VPS13A: variants seen among roughly 807,000 people sequenced by gnomAD.
VPS13A encodes the protein intermembrane lipid transfer protein VPS13A.
A neutral mutation model predicts 390.9 loss-of-function variants in VPS13A; 264 were observed. The ratio of observed to expected loss-of-function variants is 0.68; its 90% CI spans 0.61 to 0.75. VPS13A has a LOEUF of 0.75. Ranked by LOEUF, VPS13A falls within the 30% of genes least tolerant of loss-of-function variation. The pLI, the probability that VPS13A is intolerant of heterozygous loss-of-function variation, is 0.00. For synonymous variants in VPS13A, 1,231 were observed against 1,227.1 expected (o/e 1.00, Z -0.07); for missense variants, 3,409 against 3,733.9 (o/e 0.91, Z 2.27).
rs1587683560 is a variant in VPS13A at position 77,373,721 on chromosome 9, T to A, written c.9077+2572T>A. On this transcript the variant is annotated intron_variant, in intron 67 of 71. Transcript: ENST00000360280. ...GGCAACCTACAAAATGGGAGAAAAT[T>A]TTCGCAACCTACTCATCTGACAAAG... Among the ~76,000 whole-genome samples, 3 of 151,042 alleles carry A rather than the reference T, an allele frequency of 2.0e-5. No individual in the cohort carries two copies. In the East Asian group the frequency reaches 5.8e-4, roughly 29 times the overall value.
intron 6 of VPS13A, among the ~76,000 whole-genome samples, chr9:77,209,845 G>C (rs1825870746): frequency 6.6e-6 from 1 of 152,080 alleles, no homozygotes; most frequent in Admixed American, 6.5e-5. Context: ...ATGGAGTACT[G>C]GTCTAGCAAT....
rs138591409 is a variant in VPS13A at position 77,343,378 on chromosome 9, C to T, written c.7027-775C>T. On this transcript the variant is annotated intron_variant, in intron 50 of 71. Transcript: ENST00000360280. ...ACTTAGCTCTAACAACCAGGTTCTG[C>T]TACATTGTCCTCAAGTCATGTGATG... 1.4e-3 allele frequency among the ~76,000 whole-genome samples: 219 copies of T among 152,296 alleles called. 1 individual carries two copies. The highest frequency in any genetic ancestry group is 5.1e-3 in the African/African-American group (213 of 41,572).
chr9:77,242,960 G>GA (rs996879385), intron 19 of VPS13A, among the ~76,000 whole-genome samples: 6 of 151,412 alleles, frequency 4.0e-5, no homozygotes, highest in East Asian at 3.9e-4. Flanking sequence ...CTAATTCTAT[G>GA]AAAAAAAATG....
At chr9:77,407,833 T>G (rs923075963) in intron 71 of VPS13A, among the ~76,000 whole-genome samples, 1 of 152,194 alleles carries the variant, frequency 6.6e-6, no homozygotes, top group African/African-American at 2.4e-5. Flanking sequence ...CAAACCAGAT[T>G]GCTCCATCTT....
In VPS13A at chr9:77,213,147, C is replaced by T. The variant is rs1826065580; in HGVS notation, c.616-87C>T. On this transcript the variant is annotated intron_variant, in intron 8 of 71. Transcript: ENST00000360280. The stretch of plus-strand genomic sequence containing the variant: ...TTATTTGTTTAACTCTGTGATATGG[C>T]TCACTTAATTATTTGAGACTTCTGA... 25 of 1,523,606 alleles carry T rather than the reference C, an allele frequency of 1.6e-5. 1 individual carries two copies. Among genetic ancestry groups the T allele is most frequent in the Middle Eastern group, 3.4e-4 (2 of 5,816 alleles). The allele number at this position is 1,523,606 out of a possible 1,614,324, so 94.4% of individuals were successfully genotyped here. A position where few individuals can be genotyped will look rare whatever the true frequency, so the allele number is the denominator to read the frequency against.
intron 17 of VPS13A, among the ~76,000 whole-genome samples, chr9:77,232,844 A>G (rs529392811): frequency 2.0e-5 from 3 of 152,290 alleles, no homozygotes; most frequent in African/African-American, 4.8e-5. Flanking sequence ...GGGAGCTACA[A>G]TTCAAGATGA....
chr9:77,413,801 C>A (rs906872438), intron 71 of VPS13A, among the ~76,000 whole-genome samples: 2 of 152,154 alleles, frequency 1.3e-5, no homozygotes, highest in African/African-American at 2.4e-5. Flanking sequence ...TCAGATTGAA[C>A]AGGCAACCTA....
chr9:77,192,140 GT>G, intron 1 of VPS13A, among the ~76,000 whole-genome samples: 1 of 152,108 alleles, frequency 6.6e-6, no homozygotes. Context: ...TTTCAAGTCT[GT>G]TTTGTCTGAA....
intron 59 of VPS13A, among the ~76,000 whole-genome samples, chr9:77,364,082 G>A (rs902030475): frequency 3.3e-5 from 5 of 152,186 alleles, no homozygotes; most frequent in South Asian, 2.1e-4. Context: ...ATTCTCAGTG[G>A]TACTGTACCC....
At chr9:77,291,394 A>G (rs1389379450) in intron 31 of VPS13A, among the ~76,000 whole-genome samples, 1 of 152,176 alleles carries the variant, frequency 6.6e-6, no homozygotes. Context: ...TGCATAGCAT[A>G]ATAGAGACTG....
chr9:77,203,423 G>T (rs1306077653), intron 3 of VPS13A, among the ~76,000 whole-genome samples: 1 of 152,094 alleles, frequency 6.6e-6, no homozygotes, highest in Non-Finnish European at 1.5e-5. Flanking sequence ...GAGTAGCTGG[G>T]ACTACAGGTG....
At position 77,417,063 on chromosome 9, in the gene VPS13A, A is replaced by C. The variant is rs1835192037; in HGVS notation, c.*1057A>C. 6.6e-6 allele frequency: 1 copy of C among 152,224 alleles called. No individual in the cohort carries two copies. Among genetic ancestry groups the C allele is most frequent in the South Asian group, 2.1e-4 (1 of 4,836 alleles). 9.4% of individuals were successfully genotyped at this position (152,224 alleles called of 1,614,324 possible). A position where few individuals can be genotyped will look rare whatever the true frequency, so the allele number is the denominator to read the frequency against. On this transcript the variant is annotated 3_prime_UTR_variant, in exon 72 of 72. Coordinates refer to ENST00000360280, the MANE Select transcript of VPS13A (RefSeq NM_033305.3). ...AAATCATCAGCTATACATTAGTAAA[A>C]ATAAGGACATGAGGTTTTCTTTCTT...
At position 77,276,071 on chromosome 9, in the gene VPS13A, A is replaced by T. The variant is rs1458210788; in HGVS notation, c.2674A>T (p.Ile892Phe). The T allele has an allele frequency of 1.2e-6, 2 of 1,611,840 alleles. No homozygotes were observed. Among genetic ancestry groups the T allele is most frequent in the East Asian group, 4.5e-5 (2 of 44,742 alleles). Residue 892 changes from isoleucine to phenylalanine, a missense_variant, in exon 26 of 72, where the codon ATC becomes TTC. By Grantham distance (21) the Ile-to-Phe change is conservative. Around this residue, in one of 5 missense-constraint regions of VPS13A, gnomAD observed 2,717 missense variants for 2,917.4 expected, o/e 0.93. Coordinates refer to ENST00000360280, the MANE Select transcript of VPS13A (RefSeq NM_033305.3). ...KIRFEVPKVL[I>F]EFYHLVGDCE... ...TTTTTTCTTTCTTCTCCAGGTTTTGATCGAGTTTTATCACCTTGTTGGAGA... is the reference window on the plus strand; with the variant it reads ...TTTTTTCTTTCTTCTCCAGGTTTTGTTCGAGTTTTATCACCTTGTTGGAGA...
At chr9:77,389,332 G>C (rs1260733969) in intron 68 of VPS13A, among the ~76,000 whole-genome samples, 1 of 142,596 alleles carries the variant, frequency 7.0e-6, no homozygotes, top group Non-Finnish European at 1.5e-5. Flanking sequence ...TTTTGAGACA[G>C]AGTTTCACTC....
At chr9:77,279,686 G>A (rs1826902029) in intron 26 of VPS13A, among the ~76,000 whole-genome samples, 1 of 151,984 alleles carries the variant, frequency 6.6e-6, no homozygotes, top group African/African-American at 2.4e-5. Flanking sequence ...CTGATTACAT[G>A]GTAATAGGGT....
intron 17 of VPS13A, among the ~76,000 whole-genome samples, chr9:77,231,366 G>A (rs1000962274): frequency 6.6e-6 from 1 of 152,050 alleles, no homozygotes; most frequent in Admixed American, 6.6e-5. Context: ...GTTAGGTGTG[G>A]TCTGCATCAT....
At chr9:77,321,409 A>T in intron 43 of VPS13A, 82 bp downstream of exon 43, 1 of 1,582,604 alleles carries the variant, frequency 6.3e-7, no homozygotes, top group Non-Finnish European at 8.7e-7. Flanking sequence ...TTAATAACTT[A>T]GTTGTCATTT....
At chr9:77,408,857 C>T (rs1834760612) in intron 71 of VPS13A, among the ~76,000 whole-genome samples, 1 of 152,252 alleles carries the variant, frequency 6.6e-6, no homozygotes, top group Non-Finnish European at 1.5e-5. Flanking sequence ...TCTGTAGACT[C>T]CACCTCTGGG....
intron 53 of VPS13A, among the ~76,000 whole-genome samples, chr9:77,352,942 A>AAAT (rs1213406565): frequency 6.6e-6 from 1 of 152,090 alleles, no homozygotes; most frequent in Non-Finnish European, 1.5e-5. Flanking sequence ...ATTCCTGCAG[A>AAAT]AATAGCCTCA....
Sources: gnomAD v4.1 joint callset for allele counts (sites outside exome capture counted in the v4.1 genomes callset) on GRCh38, gnomAD v4.1.1 for gene constraint, gnomAD v4.1.1 regional missense constraint, MANE v1.5 for transcripts, NCBI Gene and HGNC (gene_info 2026-07-23, HGNC 2026-07-21) for gene names.